The following PAK5 variants were observed in gnomAD, a reference collection of about 807,000 sequenced individuals.
PAK5 encodes p21 (RAC1) activated kinase 5.
A neutral mutation model predicts 65.9 loss-of-function variants in PAK5; 16 were observed. The ratio of observed to expected loss-of-function variants is 0.24; its 90% CI spans 0.16 to 0.37. PAK5 has a LOEUF of 0.37. Among genes scored for constraint, PAK5 ranks in the 10% least tolerant of loss-of-function variants. The pLI is 1.00. For missense variants in PAK5, 785 were observed against 903.9 expected, an observed-to-expected ratio of 0.87 and a Z score of 1.69; for synonymous variants, 371 against 354.9, an observed-to-expected ratio of 1.05 and a Z score of -0.51.
intron 1 of PAK5, among the ~76,000 whole-genome samples, chr20:9,796,575 A>G (rs1039786417): frequency 6.6e-6 from 1 of 152,140 alleles, no homozygotes; most frequent in African/African-American, 2.4e-5. Flanking sequence ...GAAATTACTA[A>G]GTGAAGGTGA....
chr20:9,663,842 A>G (rs542940390), intron 2 of PAK5, among the ~76,000 whole-genome samples: 7 of 152,284 alleles, frequency 4.6e-5, no homozygotes, highest in Admixed American at 3.9e-4. Flanking sequence ...CTACTTTTCT[A>G]TGTGTAACTG....
intron 1 of PAK5, among the ~76,000 whole-genome samples, chr20:9,753,044 G>A (rs545921740): frequency 6.6e-6 from 1 of 151,996 alleles, no homozygotes; most frequent in African/African-American, 2.4e-5. Context: ...CCTAGAAGAG[G>A]GCAACCCAGA....
At chr20:9,784,808 G>C (rs1403849785) in intron 1 of PAK5, among the ~76,000 whole-genome samples, 1 of 146,608 alleles carries the variant, frequency 6.8e-6, no homozygotes, top group Non-Finnish European at 1.5e-5. Context: ...AGTAAAAAAA[G>C]AAAAAAAAAA....
At chr20:9,663,171 C>A (rs913711002) in intron 2 of PAK5, among the ~76,000 whole-genome samples, 1 of 151,792 alleles carries the variant, frequency 6.6e-6, no homozygotes, top group African/African-American at 2.4e-5. Context: ...AAGCAAAAAC[C>A]ATTGCAATGG....
At position 9,562,779 on chromosome 20, in the gene PAK5, AT is replaced by A. The variant is rs1037279672; in HGVS notation, c.1616+111del. On this transcript the variant is annotated intron_variant, in intron 6 of 9. Transcript: ENST00000353224. The stretch of plus-strand genomic sequence containing the variant: ...GGAATGTAGGGGAAAGGGTAGTCAT[AT>A]TCCCTGACTCCAAAGTGCCTGCAAT... 2.2e-5 allele frequency: 20 copies of A among 889,494 alleles called. No individual in the cohort carries two copies. The South Asian group carries it at 3.1e-4, about 14-fold the overall frequency. 55.1% of individuals were successfully genotyped at this position (889,494 alleles called of 1,614,324 possible). A position where few individuals can be genotyped will look rare whatever the true frequency, so the allele number is the denominator to read the frequency against.
At chr20:9,539,698 T>C in intron 9 of PAK5, 81 bp from the exon 10 acceptor site, 3 of 1,126,880 alleles carry the variant, frequency 2.7e-6, no homozygotes, top group Non-Finnish European at 3.9e-6. Context: ...CCATTCATCC[T>C]ATCAACAACT....
chr20:9,543,012 C>CT (rs1568953032), intron 8 of PAK5, among the ~76,000 whole-genome samples: 1 of 152,102 alleles, frequency 6.6e-6, no homozygotes, highest in Non-Finnish European at 1.5e-5. Flanking sequence ...AGTTAACTGT[C>CT]TATCAGGGCA....
intron 2 of PAK5, among the ~76,000 whole-genome samples, chr20:9,660,558 G>GA (rs1269523593): frequency 6.6e-6 from 1 of 151,884 alleles, no homozygotes; most frequent in Non-Finnish European, 1.5e-5. Flanking sequence ...AGGCCCGTGA[G>GA]AAAAAAATAA....
At chr20:9,819,097 T>C (rs1236761031) in intron 1 of PAK5, among the ~76,000 whole-genome samples, 2 of 152,284 alleles carry the variant, frequency 1.3e-5, no homozygotes, top group African/African-American at 4.8e-5. Flanking sequence ...TGGGTGCATA[T>C]ATTTCATGTT....
chr20:9,795,228 A>G (rs181297488), intron 1 of PAK5, among the ~76,000 whole-genome samples: 1 of 152,216 alleles, frequency 6.6e-6, no homozygotes, highest in East Asian at 1.9e-4. Flanking sequence ...CTACCTATTT[A>G]TAAACTTTCT....
chr20:9,819,093 C>T (rs2049390832), intron 1 of PAK5, among the ~76,000 whole-genome samples: 1 of 152,158 alleles, frequency 6.6e-6, no homozygotes, highest in Non-Finnish European at 1.5e-5. Context: ...GGCTTGGGTG[C>T]ATATATTTCA....
At chr20:9,583,452 T>A (rs1459715751) in intron 3 of PAK5, among the ~76,000 whole-genome samples, 4 of 152,242 alleles carry the variant, frequency 2.6e-5, no homozygotes, top group African/African-American at 9.6e-5. Context: ...TTCTTTAAAA[T>A]TCCTTTACAC....
At chr20:9,645,596 T>A (rs1227902892) in intron 2 of PAK5, among the ~76,000 whole-genome samples, 1 of 152,168 alleles carries the variant, frequency 6.6e-6, no homozygotes, top group Non-Finnish European at 1.5e-5. Flanking sequence ...TTCTTTTTTT[T>A]TTTTTTGAGA....
Position 9,539,281 on chromosome 20 carries a change from A to ATCTC in PAK5, c.*180_*181insGAGA. 1 of 602,128 alleles carries ATCTC rather than the reference A, an allele frequency of 1.7e-6. No individual in the cohort carries two copies. Among genetic ancestry groups the ATCTC allele is most frequent in the Non-Finnish European group, 3.0e-6 (1 of 334,760 alleles). 37.3% of individuals were successfully genotyped at this position (602,128 alleles called of 1,614,324 possible). ...GTGACCACACCGGCTGTCAGTGGAG[A>ATCTC]GATGCCTGTTTAAGACACAAGAAGA... On this transcript the variant is annotated 3_prime_UTR_variant, in exon 10 of 10. Transcript: ENST00000353224.
intron 2 of PAK5, among the ~76,000 whole-genome samples, chr20:9,708,466 G>T (rs1393019874): frequency 2.0e-5 from 3 of 152,142 alleles, no homozygotes; most frequent in African/African-American, 7.2e-5. Context: ...TGCATGTAAA[G>T]CATTTAATAT....
intron 1 of PAK5, among the ~76,000 whole-genome samples, chr20:9,819,228 G>T (rs2049392104): frequency 1.3e-5 from 2 of 152,108 alleles, no homozygotes; most frequent in Admixed American, 6.6e-5. Context: ...ATATGCAAAT[G>T]ATTTTTCATT....
chr20:9,691,113 G>A (rs2123432737), intron 2 of PAK5, among the ~76,000 whole-genome samples: 1 of 152,256 alleles, frequency 6.6e-6, no homozygotes, highest in South Asian at 2.1e-4. Context: ...AAAGCCAAGG[G>A]CATATAGGCA....
At chr20:9,649,682 A>C (rs1394455709) in intron 2 of PAK5, among the ~76,000 whole-genome samples, 2 of 152,180 alleles carry the variant, frequency 1.3e-5, no homozygotes, top group Non-Finnish European at 2.9e-5. Context: ...AGAAGAAATA[A>C]CAGGCAAATG....
chr20:9,590,780 G>T (rs1383424369), intron 3 of PAK5, among the ~76,000 whole-genome samples: 2 of 152,154 alleles, frequency 1.3e-5, no homozygotes, highest in Non-Finnish European at 2.9e-5. Context: ...AAGAAATGCA[G>T]TTTGTTGGCC....
Sources: gnomAD v4.1 joint callset for allele counts (sites outside exome capture counted in the v4.1 genomes callset) on GRCh38, gnomAD v4.1.1 for gene constraint, MANE v1.5 for transcripts, NCBI Gene and HGNC (gene_info 2026-07-23, HGNC 2026-07-21) for gene names.